Variants in ARAP3 observed in about 807,000 individuals in gnomAD.
ARAP3 encodes the protein arf-GAP with Rho-GAP domain, ANK repeat and PH domain-containing protein 3.
ARAP3 carries 82 observed loss-of-function variants against 169.2 expected under a neutral mutation model. The observed-to-expected ratio is 0.48, with a 90% CI of 0.41 to 0.58. ARAP3 has a LOEUF of 0.58. Ranked by LOEUF, ARAP3 falls within the 20% of genes least tolerant of loss-of-function variation. The pLI is 0.00. For synonymous variants in ARAP3, 791 were observed against 800.3 expected (o/e 0.99, Z 0.20); for missense variants, 1,764 against 2,018.0 (o/e 0.87, Z 2.41).
Position 141,673,385 on chromosome 5 carries a change from T to A in ARAP3, c.972+16A>T, listed in dbSNP as rs761850481. The stretch of plus-strand genomic sequence containing the variant: ...TCTCCCTCATCTCCATATCGTCACA[T>A]CTCCCAGCCCCCCACCTTGTCACTG... On this transcript the variant is annotated intron_variant, in intron 6 of 32. Transcript: ENST00000239440. 1.3e-5 allele frequency: 21 copies of A among 1,613,522 alleles called. No homozygotes were observed. The Middle Eastern group carries it at 8.2e-4, about 63-fold the overall frequency.
Position 141,670,560 on chromosome 5 carries a change from G to C in ARAP3, c.2059C>G (p.Pro687Ala), listed in dbSNP as rs1252907799. The C allele has an allele frequency of 6.2e-7, 1 of 1,613,976 alleles. No homozygotes were observed. Residue 687 changes from proline to alanine, a missense_variant, in exon 14 of 33, where the codon CCC becomes GCC. By Grantham distance (27) the Pro-to-Ala change is conservative. This residue lies in a region of ARAP3 where 1,112 missense variants were observed against 1,285.7 expected (regional missense o/e 0.86). Coordinates refer to ENST00000239440, the MANE Select transcript of ARAP3 (RefSeq NM_022481.6). ...ATYSGFLYCS[P>A]VSNKAGPSPP... ...GAGGGTCCAGCTTTGTTGCTGACGG[G>C]ACTGCAGTACAGGAAGCCGCTGTAA...
Position 141,672,561 on chromosome 5 carries a change from C to T in ARAP3, c.1376G>A (p.Arg459His), listed in dbSNP as rs762119603. The T allele has an allele frequency of 5.6e-6, 9 of 1,614,036 alleles. No homozygotes were observed. Among genetic ancestry groups the T allele is most frequent in the Admixed American group, 5.0e-5 (3 of 59,990 alleles). ...CTGGCCCAGGCCCCACCTGAAGCAG[C>T]GATGGGGTGTGAGCAGGTCAAAGCT... ...SRSFDLLTPH[R>H]CFSFTAESGG... Residue 459 changes from arginine (R) to histidine (H), a missense_variant, in exon 9 of 33, where the codon CGC (arginine) becomes CAC (histidine). Around this residue, in one of 3 missense-constraint regions of ARAP3, gnomAD observed 630 missense variants for 678.7 expected, o/e 0.93. Transcript: ENST00000239440. The surrounding 1 kb of genome is among the most constrained non-coding windows in gnomAD (Gnocchi z 4.9).
At chr5:141,681,776 C>T (rs2099913015) in intron 1 of ARAP3, among the ~76,000 whole-genome samples, 1 of 152,210 alleles carries the variant, frequency 6.6e-6, no homozygotes, top group Non-Finnish European at 1.5e-5. Context: ...CCAGGACGCC[C>T]TCTCCGTCCC....
At chr5:141,669,330 G>A (rs1235791057) in intron 16 of ARAP3, among the ~76,000 whole-genome samples, 1 of 152,196 alleles carries the variant, frequency 6.6e-6, no homozygotes, top group Non-Finnish European at 1.5e-5. Flanking sequence ...CAGAGGGTGG[G>A]TAGTGGGAAT....
rs1424526121 is a variant in ARAP3, at chr5:141,654,371, T to G, written c.4214A>C (p.Glu1405Ala). The G allele has an allele frequency of 5.6e-6, 9 of 1,613,434 alleles. No individual in the cohort carries two copies. The highest frequency in any genetic ancestry group is 7.6e-6 in the Non-Finnish European group (9 of 1,179,768). ...GGCCCCTACTTCCTCATACACTGGC[T>G]CCTCGTACACAGGCTCCTCCAGCTC... ...QEELEEPVYE[E>A]PVYEEVGAFP... Residue 1405 changes from glutamate (E) to alanine (A), a missense_variant, in exon 33 of 33, where the codon GAG (glutamate) becomes GCG (alanine). By Grantham distance (107) the Glu-to-Ala change is moderately radical. Around this residue, in one of 3 missense-constraint regions of ARAP3, gnomAD observed 1,112 missense variants for 1,285.7 expected, o/e 0.86. Coordinates refer to ENST00000239440, the MANE Select transcript of ARAP3 (RefSeq NM_022481.6).
At chr5:141,676,569 T>G (rs1302671710) in intron 4 of ARAP3, among the ~76,000 whole-genome samples, 25 of 152,246 alleles carry the variant, frequency 1.6e-4, no homozygotes, top group Middle Eastern at 3.4e-3. Context: ...CTAAGTCCTA[T>G]CATACTCAGC....
chr5:141,656,705 G>A lies in ARAP3; in HGVS notation c.3655+13C>T, dbSNP rs754659634. On this transcript the variant is annotated intron_variant, in intron 26 of 32. Transcript: ENST00000239440. The stretch of plus-strand genomic sequence containing the variant: ...GAGACCTGGGGGATGCTGGGCAGAG[G>A]AAGGAGGCTCACCTGTGAAGAGGCA... The A allele has an allele frequency of 4.3e-6, 7 of 1,612,606 alleles. No homozygotes were observed. In the African/African-American group the frequency reaches 8.0e-5, roughly 18 times the overall value.
At chr5:141,676,045 A>G (rs952978071) in intron 4 of ARAP3, among the ~76,000 whole-genome samples, 43 of 152,210 alleles carry the variant, frequency 2.8e-4, no homozygotes, top group African/African-American at 1.0e-3. Flanking sequence ...CTACAAACCT[A>G]TATAACATTG....
At chr5:141,662,015 C>G (rs2099910035) in intron 20 of ARAP3, 28 bp downstream of exon 20, 2 of 1,612,950 alleles carry the variant, frequency 1.2e-6, no homozygotes, top group African/African-American at 2.7e-5. Flanking sequence ...CCTGGTTGGG[C>G]CTTGGCTCTC....
Position 141,670,011 on chromosome 5 carries a change from C to G in ARAP3, c.2160G>C (p.Ser720=), listed in dbSNP as rs531854726. Residue 720 remains serine, a synonymous_variant, in exon 15 of 33, where the codon TCG becomes TCC. Transcript: ENST00000239440. ...VLGAALEMFA[S]ENSPEPLSLI... ...GGCTGAGGGGTTCAGGGCTGTTTTC[C>G]GATGCAAACATTTCCAGAGCTGCTC... 6.3e-7 allele frequency: 1 copy of G among 1,597,568 alleles called. No individual in the cohort carries two copies. The highest frequency in any genetic ancestry group is 8.5e-7 in the Non-Finnish European group (1 of 1,175,914).
In ARAP3 at chr5:141,658,796, G is replaced by A. The variant is rs949516823; in HGVS notation, c.3337-143C>T. On this transcript the variant is annotated intron_variant, in intron 23 of 32. Coordinates refer to ENST00000239440, the MANE Select transcript of ARAP3 (RefSeq NM_022481.6). Reference sequence around the variant, plus strand: ...CCCAATGTCACTCAGGCTCTTAAAAGGGAGACCTCTGGGAGTGGCAGAACT... The same window carrying A: ...CCCAATGTCACTCAGGCTCTTAAAAAGGAGACCTCTGGGAGTGGCAGAACT... 2.7e-5 allele frequency: 19 copies of A among 707,926 alleles called. No homozygotes were observed. In the African/African-American group the frequency reaches 3.4e-4, roughly 13 times the overall value. 43.9% of individuals were successfully genotyped at this position (707,926 alleles called of 1,614,324 possible).
chr5:141,656,601 C>T lies in ARAP3; in HGVS notation c.3692G>A (p.Arg1231Gln), dbSNP rs140628013. The T allele has an allele frequency of 4.1e-5, 66 of 1,613,018 alleles. No homozygotes were observed. In the South Asian group the frequency reaches 5.5e-4, roughly 13 times the overall value. ...CAAGCGAGGTGGCTCCTCACGACAC[C>T]GCAACAGCCCCACCCGTGGGCTCTC... The part of the protein sequence containing the change: ...RRESPRVGLL[R>Q]CREEPPRLLG... The change falls in exon 27 of 33, where the codon CGG (arginine) becomes CAG (glutamine). Residue 1231 changes from arginine (R) to glutamine (Q), a missense_variant. Physicochemically the swap from Arg to Gln is conservative, Grantham distance 43. Around this residue, in one of 3 missense-constraint regions of ARAP3, gnomAD observed 1,112 missense variants for 1,285.7 expected, o/e 0.86. Coordinates refer to ENST00000239440, the MANE Select transcript of ARAP3 (RefSeq NM_022481.6).
intron 5 of ARAP3, 22 bp downstream of exon 5, chr5:141,673,583 C>T (rs1219325641): frequency 1.2e-6 from 2 of 1,612,454 alleles, no homozygotes; most frequent in African/African-American, 1.3e-5. Context: ...TTTTCTCCCT[C>T]CCTTCCCCTC....
Position 141,654,376 on chromosome 5 carries a change from G to A in ARAP3, c.4209C>T (p.Tyr1403=), listed in dbSNP as rs144642444. Residue 1403 remains tyrosine (Y), a synonymous_variant, in exon 33 of 33, where the codon TAC becomes TAT. Coordinates refer to ENST00000239440, the MANE Select transcript of ARAP3 (RefSeq NM_022481.6). The part of the protein sequence containing the change: ...EEQEELEEPV[Y]EEPVYEEVGA... ...CTACTTCCTCATACACTGGCTCCTC[G>A]TACACAGGCTCCTCCAGCTCCTCTT... is the stretch of plus-strand genomic sequence containing the variant. The A allele has an allele frequency of 1.5e-4, 249 of 1,613,094 alleles. No individual in the cohort carries two copies. Among genetic ancestry groups the A allele is most frequent in the African/African-American group, 5.3e-4 (40 of 74,998 alleles).
Position 141,655,874 on chromosome 5 carries a change from C to T in ARAP3, c.3967G>A (p.Ala1323Thr), listed in dbSNP as rs749381717. ...AGCCTTTTCTTTCCCCTCACCTGGGCTTTAAGGATGCTGGTGGTCCAATCC... is the reference window on the plus strand; with the variant it reads ...AGCCTTTTCTTTCCCCTCACCTGGGTTTTAAGGATGCTGGTGGTCCAATCC... ...MWDWTTSILK[A>T]QHDDQQPVVL... The change falls in exon 30 of 33, where the codon GCC (alanine) becomes ACC (threonine). Residue 1323 changes from alanine (A) to threonine (T), a missense_variant. Coordinates refer to ENST00000239440, the MANE Select transcript of ARAP3 (RefSeq NM_022481.6). The T allele has an allele frequency of 1.2e-6, 2 of 1,614,026 alleles. No homozygotes were observed. The highest frequency in any genetic ancestry group is 2.2e-5 in the South Asian group (2 of 91,084).
chr5:141,672,020 T>C lies in ARAP3; in HGVS notation c.1586-40A>G. On this transcript the variant is annotated intron_variant, in intron 10 of 32. Transcript: ENST00000239440. The surrounding 1 kb of genome is among the most constrained non-coding windows in gnomAD (Gnocchi z 4.9). ...GGGTGTGTGAGGGTGTGTGAGGGTG[T>C]GAGGGGCATGTGGCACGGGTACCCT... 1 of 1,612,822 alleles carries C rather than the reference T, an allele frequency of 6.2e-7. No homozygotes were observed. The highest frequency in any genetic ancestry group is 8.5e-7 in the Non-Finnish European group (1 of 1,178,902).
Position 141,672,177 on chromosome 5 carries a change from A to C in ARAP3, c.1510T>G (p.Cys504Gly). Residue 504 changes from cysteine to glycine, a missense_variant, in exon 10 of 33, where the codon TGT (cysteine) becomes GGT (glycine). This residue lies in a region of ARAP3 where 630 missense variants were observed against 678.7 expected (regional missense o/e 0.93). Coordinates refer to ENST00000239440, the MANE Select transcript of ARAP3 (RefSeq NM_022481.6). The surrounding 1 kb of genome is among the most constrained non-coding windows in gnomAD (Gnocchi z 4.9). ...GGGCGGGAGGACCCACAGTCCGCACACTGCCGGTTGGCCCGATTAGACCAG... is the reference window on the plus strand; with the variant it reads ...GGGCGGGAGGACCCACAGTCCGCACCCTGCCGGTTGGCCCGATTAGACCAG... ...KIWSNRANRQCADCGSSRPDW... is the reference protein window; with the variant it reads ...KIWSNRANRQGADCGSSRPDW... 1 of 1,614,156 alleles carries C rather than the reference A, an allele frequency of 6.2e-7. No homozygotes were observed. The highest frequency in any genetic ancestry group is 8.5e-7 in the Non-Finnish European group (1 of 1,180,030).
rs1342057534 is a variant in ARAP3, at chr5:141,655,352, C to G, written c.4149+10G>C. 2 of 1,575,210 alleles carry G rather than the reference C, an allele frequency of 1.3e-6. No homozygotes were observed. The highest frequency in any genetic ancestry group is 1.4e-5 in the African/African-American group (1 of 74,048). On this transcript the variant is annotated intron_variant, in intron 32 of 32. Coordinates refer to ENST00000239440, the MANE Select transcript of ARAP3 (RefSeq NM_022481.6). ...GACAGGCACACCGCTGGAGCAGGCA[C>G]AATACTCACAAAGAACATGGACAGG... is the stretch of plus-strand genomic sequence containing the variant.
intron 1 of ARAP3, 171 bp from the exon 2 acceptor site, chr5:141,680,674 C>T: frequency 1.9e-6 from 2 of 1,042,500 alleles, no homozygotes; most frequent in South Asian, 3.6e-5. Context: ...CAATGGCTCT[C>T]TACTTAGGGA....
Sources: gnomAD v4.1 joint callset for allele counts (sites outside exome capture counted in the v4.1 genomes callset) on GRCh38, gnomAD v4.1.1 for gene constraint, gnomAD v4.1.1 regional missense constraint, Gnocchi (gnomAD v3.1) non-coding constraint, MANE v1.5 for transcripts, NCBI Gene and HGNC (gene_info 2026-07-23, HGNC 2026-07-21) for gene names.